The following PYROXD1 variants were observed in gnomAD, a reference collection of about 807,000 sequenced individuals.
PYROXD1 encodes pyridine nucleotide-disulphide oxidoreductase domain 1.
Under a neutral mutation model 62.0 loss-of-function variants are expected in PYROXD1, and 42 were observed. That is an observed-to-expected ratio of 0.68 (90% CI 0.53 to 0.88). The LOEUF (loss-of-function observed/expected upper bound fraction) is 0.88, where lower values mean the gene tolerates loss of function less well. Ranked by LOEUF, PYROXD1 falls within the 40% of genes least tolerant of loss-of-function variation. The pLI is 0.00. For synonymous variants in PYROXD1, 170 were observed against 206.4 expected (o/e 0.82, Z 1.51); for missense variants, 493 against 604.8 (o/e 0.82, Z 1.94).
At chr12:21,465,550 T>C (rs1665461575) in intron 10 of PYROXD1, among the ~76,000 whole-genome samples, 1 of 152,096 alleles carries the variant, frequency 6.6e-6, no homozygotes, top group African/African-American at 2.4e-5. Flanking sequence ...GAGTTCATTG[T>C]AGATTCTGGA....
rs1942894514 is a variant in PYROXD1, at chr12:21,469,999, A to C, written c.*1245A>C. The C allele has an allele frequency of 1.4e-6, 1 of 698,032 alleles. No individual in the cohort carries two copies. Among genetic ancestry groups the C allele is most frequent in the South Asian group, 3.4e-5 (1 of 29,572 alleles). 43.2% of individuals were successfully genotyped at this position (698,032 alleles called of 1,614,324 possible). On this transcript the variant is annotated 3_prime_UTR_variant, in exon 12 of 12. Transcript: ENST00000240651. ...AAATTTTTCCCTTGTTTTATACTGG[A>C]AAATTATATAATTCATGATCTCTAA...
At chr12:21,467,121 C>A (rs1942809559) in intron 10 of PYROXD1, among the ~76,000 whole-genome samples, 1 of 152,042 alleles carries the variant, frequency 6.6e-6, no homozygotes, top group African/African-American at 2.4e-5. Context: ...AGAACAAATT[C>A]TTCAGTGATA....
chr12:21,443,295 C>T (rs1942329613), intron 2 of PYROXD1, among the ~76,000 whole-genome samples: 1 of 152,076 alleles, frequency 6.6e-6, no homozygotes, highest in African/African-American at 2.4e-5. Context: ...GAAAGATGCT[C>T]TGCAAATCTA....
rs780262086 is a variant in PYROXD1 at position 21,462,865 on chromosome 12, A to AAGCTAGC, written c.1116+5_1116+11dup. 1 of 1,612,328 alleles carries AAGCTAGC rather than the reference A, an allele frequency of 6.2e-7. No individual in the cohort carries two copies. Among genetic ancestry groups the AAGCTAGC allele is most frequent in the Non-Finnish European group, 8.5e-7 (1 of 1,179,578 alleles). ...AGCTGAGCCCAGTCTGGCAGCAGGTAAGCTAGCATATATAATTATATGTTT... is the reference window on the plus strand; with the variant it reads ...AGCTGAGCCCAGTCTGGCAGCAGGTAAGCTAGCAGCTAGCATATATAATTATATGTTT... On this transcript the variant is annotated splice_donor_region_variant and intron_variant, in intron 10 of 11. Coordinates refer to ENST00000240651, the MANE Select transcript of PYROXD1 (RefSeq NM_024854.5).
intron 10 of PYROXD1, 156 bp from the exon 11 acceptor site, chr12:21,467,325 C>A: frequency 1.8e-6 from 1 of 556,732 alleles, no homozygotes; most frequent in East Asian, 3.1e-5. Flanking sequence ...TACCAAAAAT[C>A]AGTCTGATTA....
In PYROXD1 at chr12:21,467,505, C is replaced by G; in HGVS notation, c.1141C>G (p.Gln381Glu). The G allele has an allele frequency of 6.2e-7, 1 of 1,610,410 alleles. No individual in the cohort carries two copies. The highest frequency in any genetic ancestry group is 8.5e-7 in the Non-Finnish European group (1 of 1,178,446). Residue 381 changes from glutamine to glutamate, a missense_variant, in exon 11 of 12, where the codon CAG becomes GAG. This residue lies in a region of PYROXD1 where 329 missense variants were observed against 446.6 expected (regional missense o/e 0.74). Coordinates refer to ENST00000240651, the MANE Select transcript of PYROXD1 (RefSeq NM_024854.5). ...GATGAGGCTGTGGACCCAGGCTAGA[C>G]AGATGGGATGGTATGCAGCAAAGTG... The part of the protein sequence containing the change: ...QQMRLWTQAR[Q>E]MGWYAAKCMA...
chr12:21,445,396 T>C lies in PYROXD1; in HGVS notation c.215T>C (p.Met72Thr). Residue 72 changes from methionine (M) to threonine (T), a missense_variant, in exon 3 of 12, where the codon ATG becomes ACG. By Grantham distance (81) the Met-to-Thr change is moderately conservative (BLOSUM62 -1). Coordinates refer to ENST00000240651, the MANE Select transcript of PYROXD1 (RefSeq NM_024854.5). ...GATGTTGAAGAACAATCAAGTACCATGTTAGGAAAACGCTTTCCCAACATT... is the reference window on the plus strand; with the variant it reads ...GATGTTGAAGAACAATCAAGTACCACGTTAGGAAAACGCTTTCCCAACATT... ...EFDVEEQSST[M>T]LGKRFPNIKV... is the part of the protein sequence containing the mutation. The C allele has an allele frequency of 1.2e-6, 2 of 1,610,708 alleles. No individual in the cohort carries two copies. The highest frequency in any genetic ancestry group is 1.7e-5 in the Admixed American group (1 of 59,510).
intron 10 of PYROXD1, among the ~76,000 whole-genome samples, chr12:21,464,406 A>G (rs186944556): frequency 6.6e-6 from 1 of 152,070 alleles, no homozygotes; most frequent in African/African-American, 2.4e-5. Flanking sequence ...CTTTCACTTC[A>G]TCAAATCTAT....
At chr12:21,445,525 C>T (rs1488483039) in intron 3 of PYROXD1, 59 bp downstream of exon 3, 1 of 1,497,140 alleles carries the variant, frequency 6.7e-7, no homozygotes, top group Non-Finnish European at 8.9e-7. Context: ...GAAGTTTTGC[C>T]TGCCTCTTTT....
intron 7 of PYROXD1, 60 bp from the exon 8 acceptor site, chr12:21,460,965 T>A: frequency 1.9e-6 from 2 of 1,077,160 alleles, no homozygotes; most frequent in Non-Finnish European, 2.5e-6. Context: ...TCTTCATCAT[T>A]AGTAACCCGG....
At position 21,469,429 on chromosome 12, in the gene PYROXD1, G is replaced by C. The variant is rs945923218; in HGVS notation, c.*675G>C. 6.0e-5 allele frequency: 9 copies of C among 150,466 alleles called. No individual in the cohort carries two copies. The highest frequency in any genetic ancestry group is 2.0e-4 in the African/African-American group (8 of 40,864). The allele number at this position is 150,466 out of a possible 1,614,324, so 9.3% of individuals were successfully genotyped here. On this transcript the variant is annotated 3_prime_UTR_variant, in exon 12 of 12. Transcript: ENST00000240651. ...GTCAGTGTTAGCATATTTTATGTGCGGCCCAAGACAATTCTTCTTCCAATG... is the reference window on the plus strand; with the variant it reads ...GTCAGTGTTAGCATATTTTATGTGCCGCCCAAGACAATTCTTCTTCCAATG...
intron 3 of PYROXD1, among the ~76,000 whole-genome samples, 189 bp downstream of exon 3, chr12:21,445,655 G>C (rs927004082): frequency 6.6e-6 from 1 of 152,126 alleles, no homozygotes; most frequent in African/African-American, 2.4e-5. Context: ...TATATAATTA[G>C]ATTTGGGATT....
chr12:21,457,431 ATCTT>A (rs200849599), intron 7 of PYROXD1, among the ~76,000 whole-genome samples: 8,214 of 134,408 alleles, frequency 0.061, 414 homozygotes, highest in East Asian at 0.3. Context: ...TTTGAAATGA[ATCTT>A]TTTTTTTTTT....
intron 7 of PYROXD1, chr12:21,456,906 G>C: frequency 2.2e-6 from 1 of 453,518 alleles, no homozygotes; most frequent in Non-Finnish European, 4.4e-6. Context: ...CTCCATCTCA[G>C]ATAACTACGT....
Position 21,449,698 on chromosome 12 carries a change from T to C in PYROXD1, c.414+7T>C, listed in dbSNP as rs1331580402. 1 of 1,594,388 alleles carries C rather than the reference T, an allele frequency of 6.3e-7. No homozygotes were observed. The highest frequency in any genetic ancestry group is 1.8e-5 in the Admixed American group (1 of 54,756). On this transcript the variant is annotated splice_region_variant and intron_variant, in intron 4 of 11. Transcript: ENST00000240651. ...TGATACAGACAGTGCTCAGGTAACA[T>C]TTTAAGGTTGGATCGTGAGAAGGAA... is the stretch of plus-strand genomic sequence containing the variant.
At chr12:21,441,744 T>TTGTC (rs34521099) in intron 2 of PYROXD1, among the ~76,000 whole-genome samples, 74,583 of 151,824 alleles carry the variant, frequency 0.49, 18,351 homozygotes, top group Middle Eastern at 0.59. Context: ...TTTGAATTCT[T>TTGTC]AGGCAGTTCT....
rs61570350 is a variant in PYROXD1 at position 21,464,441 on chromosome 12, GA to G, written c.1116+1590del. ...TAATACCTTGTTTACAGAGGAGATT[GA>G]AAAAAAAAAATCTATCACTTCTGCT... On this transcript the variant is annotated intron_variant, in intron 10 of 11. Transcript: ENST00000240651. Among the ~76,000 whole-genome samples, 160 of 145,964 alleles carry G rather than the reference GA, an allele frequency of 1.1e-3. 1 individual carries two copies. The highest frequency in any genetic ancestry group is 2.9e-3 in the African/African-American group (118 of 40,152).
At chr12:21,454,783 T>C (rs1942565280) in intron 5 of PYROXD1, 1 of 157,032 alleles carries the variant, frequency 6.4e-6, no homozygotes, top group African/African-American at 2.4e-5. Flanking sequence ...TAACCAGATT[T>C]TTTAAAAAGC....
rs539612655 is a variant in PYROXD1, at chr12:21,462,732, T to C, written c.994-8T>C. On this transcript the variant is annotated splice_region_variant and splice_polypyrimidine_tract_variant and intron_variant, in intron 9 of 11. Coordinates refer to ENST00000240651, the MANE Select transcript of PYROXD1 (RefSeq NM_024854.5). ...TAACACTTAACGCTTATGAGGAATG[T>C]TGTTTAGTTTGATCTAGGAGAAGAT... 6.2e-7 allele frequency: 1 copy of C among 1,612,810 alleles called. No individual in the cohort carries two copies. The highest frequency in any genetic ancestry group is 1.1e-5 in the South Asian group (1 of 91,008).
Sources: allele counts gnomAD v4.1 joint callset (sites outside exome capture counted in the v4.1 genomes callset), GRCh38; gene constraint gnomAD v4.1.1; regional missense constraint gnomAD v4.1.1; transcripts MANE v1.5; gene names NCBI Gene and HGNC (gene_info 2026-07-23, HGNC 2026-07-21).